Variants in FUBP3 observed in about 807,000 individuals in gnomAD.
FUBP3 encodes far upstream element binding protein 3.
FUBP3 carries 28 observed loss-of-function variants against 85.6 expected under a neutral mutation model. The ratio of observed to expected loss-of-function variants is 0.33; its 90% CI spans 0.24 to 0.45. FUBP3 has a LOEUF of 0.45. Among genes scored for constraint, FUBP3 ranks in the 20% least tolerant of loss-of-function variants. The pLI, the probability that FUBP3 is intolerant of heterozygous loss-of-function variation, is 1.00. For missense variants in FUBP3, 583 were observed against 755.1 expected, an observed-to-expected ratio of 0.77 and a Z score of 2.67; for synonymous variants, 271 against 271.4, an observed-to-expected ratio of 1.00 and a Z score of 0.01.
At chr9:130,634,055 G>T (rs1830319486) in intron 16 of FUBP3, among the ~76,000 whole-genome samples, 1 of 152,172 alleles carries the variant, frequency 6.6e-6, no homozygotes, top group Non-Finnish European at 1.5e-5. Context: ...GGGTGCTGAG[G>T]CTCTGTTCCC....
chr9:130,631,331 T>C (rs1830200577), intron 13 of FUBP3: 1 of 1,401,132 alleles, frequency 7.1e-7, no homozygotes, highest in African/African-American at 1.5e-5. Flanking sequence ...AGGGCAGTTG[T>C]GGTGGTGCCA....
In FUBP3 at chr9:130,616,427, C is replaced by T; in HGVS notation, c.477C>T (p.Asp159=). The change falls in exon 7 of 19, where the codon GAC becomes GAT. Residue 159 remains aspartate, a synonymous_variant. Coordinates refer to ENST00000319725, the MANE Select transcript of FUBP3 (RefSeq NM_003934.2). This position sits in a 1 kb window ranked among gnomAD's most constrained non-coding sequence, Gnocchi z 4.7. ...GACCTGGCTTTCATAATGACATAGA[C>T]AGCAACAGCACAATCCAGGAGATTC... The part of the protein sequence containing the change: ...RNGPGFHNDI[D]SNSTIQEILI... 1 of 1,613,826 alleles carries T rather than the reference C, an allele frequency of 6.2e-7. No individual in the cohort carries two copies. Among genetic ancestry groups the T allele is most frequent in the East Asian group, 2.2e-5 (1 of 44,874 alleles).
chr9:130,622,868 T>A, intron 10 of FUBP3, 58 bp downstream of exon 10: 2 of 825,414 alleles, frequency 2.4e-6, no homozygotes, highest in Non-Finnish European at 3.9e-6. Flanking sequence ...TCCTTAGTGT[T>A]AAAAGGATGA....
intron 3 of FUBP3, among the ~76,000 whole-genome samples, chr9:130,611,464 A>C (rs1230263512): frequency 6.6e-6 from 1 of 152,170 alleles, no homozygotes; most frequent in Non-Finnish European, 1.5e-5. Context: ...TTGAGGGTGT[A>C]AACTCCCTCA....
intron 2 of FUBP3, among the ~76,000 whole-genome samples, chr9:130,604,348 C>T (rs967807949): frequency 2.0e-5 from 3 of 152,168 alleles, no homozygotes; most frequent in Non-Finnish European, 4.4e-5. Context: ...CAGATAGATA[C>T]ATGATAAGTG....
chr9:130,579,658 C>T lies in FUBP3; in HGVS notation c.-23C>T, dbSNP rs1256984612. On this transcript the variant is annotated 5_prime_UTR_variant, in exon 1 of 19. Transcript: ENST00000319725. ...GCGGCGTCGGCGGCGTCGGCGGCGG[C>T]GGCGACGGCGGCGGGGGCGGTAATG... 21 of 1,200,458 alleles carry T rather than the reference C, an allele frequency of 1.7e-5. No individual in the cohort carries two copies. The East Asian group carries it at 4.7e-4, about 27-fold the overall frequency. 74.4% of individuals were successfully genotyped at this position (1,200,458 alleles called of 1,614,324 possible).
At chr9:130,634,810 C>T in intron 17 of FUBP3, 72 bp downstream of exon 17, 1 of 1,173,554 alleles carries the variant, frequency 8.5e-7, no homozygotes, top group Non-Finnish European at 1.3e-6. Context: ...GTCCAAGGCT[C>T]ACTGTCACCT....
At position 130,617,866 on chromosome 9, in the gene FUBP3, C is replaced by T. The variant is rs753117587; in HGVS notation, c.637C>T (p.Arg213Cys). ...GCCCACGGGAGCAGACAAGCCTCTT[C>T]GTATCACTGGAGATGCATTTAAAGT... ...PLPTGADKPL[R>C]ITGDAFKVQQ... The change falls in exon 8 of 19, where the codon CGT becomes TGT. Residue 213 changes from arginine (R) to cysteine (C), a missense_variant. Arg to Cys is a radical substitution (Grantham distance 180). Around this residue, in one of 3 missense-constraint regions of FUBP3, gnomAD observed 404 missense variants for 516.8 expected, o/e 0.78. Transcript: ENST00000319725. 5 of 1,601,108 alleles carry T rather than the reference C, an allele frequency of 3.1e-6. No individual in the cohort carries two copies. The highest frequency in any genetic ancestry group is 3.3e-5 in the Admixed American group (2 of 59,924).
rs751215774 is a variant in FUBP3, at chr9:130,635,519, G to A, written c.1583-480G>A. The stretch of plus-strand genomic sequence containing the variant: ...GGCCCTTCTAGGGGTTGGAGGTGGG[G>A]GTGTTGAGTCATGGTCACCAGAGTG... On this transcript the variant is annotated intron_variant, in intron 17 of 18. Transcript: ENST00000319725. This position sits in a 1 kb window ranked among gnomAD's most constrained non-coding sequence, Gnocchi z 4.3. 2.6e-5 allele frequency among the ~76,000 whole-genome samples: 4 copies of A among 152,102 alleles called. No homozygotes were observed. Among genetic ancestry groups the A allele is most frequent in the African/African-American group, 9.7e-5 (4 of 41,426 alleles).
chr9:130,619,619 C>T (rs1202794803), intron 8 of FUBP3, among the ~76,000 whole-genome samples: 1 of 152,170 alleles, frequency 6.6e-6, no homozygotes, highest in Non-Finnish European at 1.5e-5. Flanking sequence ...AGACACAGTT[C>T]TCACATTCCC....
At chr9:130,597,553 G>A (rs898982388) in intron 2 of FUBP3, among the ~76,000 whole-genome samples, 1 of 152,156 alleles carries the variant, frequency 6.6e-6, no homozygotes, top group South Asian at 2.1e-4. Flanking sequence ...AGGTGGCCAG[G>A]TAAACATGAA....
intron 2 of FUBP3, among the ~76,000 whole-genome samples, chr9:130,604,725 C>T (rs529972714): frequency 7.9e-5 from 12 of 152,212 alleles, no homozygotes; most frequent in African/African-American, 2.6e-4. Context: ...GGTGAAACCC[C>T]GCCTCTATTA....
chr9:130,579,798 T>A (rs547344183), intron 1 of FUBP3, 34 bp downstream of exon 1: 1 of 1,189,078 alleles, frequency 8.4e-7, no homozygotes, highest in Non-Finnish European at 1.1e-6. Context: ...GAGCACGAGA[T>A]CCCGAGGCGG....
At position 130,579,631 on chromosome 9, in the gene FUBP3, C is replaced by T. The variant is rs1009347795; in HGVS notation, c.-50C>T. On this transcript the variant is annotated 5_prime_UTR_variant, in exon 1 of 19. Coordinates refer to ENST00000319725, the MANE Select transcript of FUBP3 (RefSeq NM_003934.2). ...CGGGAGGCCGGACCGGGGAGCCGAG[C>T]GGCGGCGTCGGCGGCGTCGGCGGCG... 4 of 1,077,224 alleles carry T rather than the reference C, an allele frequency of 3.7e-6. No homozygotes were observed. Among genetic ancestry groups the T allele is most frequent in the Non-Finnish European group, 4.7e-6 (4 of 847,078 alleles). 66.7% of individuals were successfully genotyped at this position (1,077,224 alleles called of 1,614,324 possible).
chr9:130,624,138 G>A (rs1829869435), intron 11 of FUBP3, among the ~76,000 whole-genome samples: 1 of 152,206 alleles, frequency 6.6e-6, no homozygotes, highest in Non-Finnish European at 1.5e-5. Context: ...CTGTGAGCCA[G>A]CCTGTGTGAC....
chr9:130,617,739 C>A, intron 7 of FUBP3, 58 bp from the exon 8 acceptor site: 2 of 1,067,338 alleles, frequency 1.9e-6, no homozygotes, highest in Non-Finnish European at 2.9e-6. Context: ...TTTTGTGCTG[C>A]CCTGCATTTC....
chr9:130,587,572 GA>G (rs1162598094), intron 1 of FUBP3, among the ~76,000 whole-genome samples: 1 of 152,310 alleles, frequency 6.6e-6, no homozygotes, highest in East Asian at 1.9e-4. Flanking sequence ...GGTGTTTAAT[GA>G]GCACCTTCTC....
At chr9:130,602,518 C>T (rs769516406) in intron 2 of FUBP3, among the ~76,000 whole-genome samples, 2 of 152,022 alleles carry the variant, frequency 1.3e-5, no homozygotes, top group Non-Finnish European at 2.9e-5. Flanking sequence ...CCATGATGCC[C>T]GGACCCCTGC....
intron 1 of FUBP3, among the ~76,000 whole-genome samples, chr9:130,591,536 G>A (rs1454044324): frequency 1.3e-5 from 2 of 152,162 alleles, no homozygotes; most frequent in Non-Finnish European, 2.9e-5. Context: ...AAGAATGAAG[G>A]AGTATATTGC....
Sources: gnomAD v4.1 joint callset for allele counts (sites outside exome capture counted in the v4.1 genomes callset) on GRCh38, gnomAD v4.1.1 for gene constraint, gnomAD v4.1.1 regional missense constraint, Gnocchi (gnomAD v3.1) non-coding constraint, MANE v1.5 for transcripts, NCBI Gene and HGNC (gene_info 2026-07-23, HGNC 2026-07-21) for gene names.